The following FBXL20 variants were observed in gnomAD, a reference collection of about 807,000 sequenced individuals.
FBXL20 encodes F-box/LRR-repeat protein 20.
In FBXL20, 11 loss-of-function variants were observed where a neutral mutation model predicts 64.0. That is an observed-to-expected ratio of 0.17 (90% CI 0.11 to 0.28). The LOEUF (loss-of-function observed/expected upper bound fraction) is 0.28. FBXL20 is among the 10% of genes least tolerant of loss of function. The pLI, the probability that FBXL20 is intolerant of heterozygous loss-of-function variation, is 1.00. For synonymous variants in FBXL20, 184 were observed against 189.0 expected, an observed-to-expected ratio of 0.97 and a Z score of 0.22; for missense variants, 303 against 526.2, an observed-to-expected ratio of 0.58 and a Z score of 4.15.
At chr17:39,392,947 C>T (rs9892675) in intron 1 of FBXL20, among the ~76,000 whole-genome samples, 41,320 of 150,172 alleles carry the variant, frequency 0.28, 6,874 homozygotes, top group African/African-American at 0.46. Context: ...GAGCCGAGAT[C>T]GTGTCATCGC....
chr17:39,400,695 G>A (rs2048232781), intron 1 of FBXL20, among the ~76,000 whole-genome samples: 1 of 152,148 alleles, frequency 6.6e-6, no homozygotes, highest in Admixed American at 6.5e-5. Flanking sequence ...AGGAGAAAAA[G>A]TTCCTGAAAG....
intron 6 of FBXL20, among the ~76,000 whole-genome samples, chr17:39,294,226 C>T (rs1407785500): frequency 5.3e-5 from 8 of 151,986 alleles, no homozygotes; most frequent in Admixed American, 5.3e-4. Flanking sequence ...CCTCCTGCCT[C>T]AGTCTCCCAA....
At chr17:39,282,674 C>T (rs1471095629) in intron 8 of FBXL20, 55 bp downstream of exon 8, 2 of 1,612,456 alleles carry the variant, frequency 1.2e-6, no homozygotes, top group African/African-American at 1.3e-5. Flanking sequence ...CTATAAAGAG[C>T]TCATGATTCA....
intron 1 of FBXL20, among the ~76,000 whole-genome samples, chr17:39,368,440 A>G (rs1326431269): frequency 1.3e-5 from 2 of 152,112 alleles, no homozygotes; most frequent in Non-Finnish European, 2.9e-5. Context: ...ACATTTCACC[A>G]CTACCTGATT....
At chr17:39,286,063 T>C (rs903457537) in intron 6 of FBXL20, among the ~76,000 whole-genome samples, 1 of 152,218 alleles carries the variant, frequency 6.6e-6, no homozygotes, top group Non-Finnish European at 1.5e-5. Flanking sequence ...GGTCTGGTAT[T>C]GGGCTGAAAA....
chr17:39,400,908 T>A (rs1042194613), intron 1 of FBXL20, among the ~76,000 whole-genome samples: 5 of 152,128 alleles, frequency 3.3e-5, no homozygotes, highest in African/African-American at 9.7e-5. Flanking sequence ...ACTTCCCTAG[T>A]TTCACCAAGG....
At chr17:39,378,407 T>A (rs2047990436) in intron 1 of FBXL20, among the ~76,000 whole-genome samples, 1 of 152,010 alleles carries the variant, frequency 6.6e-6, no homozygotes, top group African/African-American at 2.4e-5. Flanking sequence ...AAGTTTGAGA[T>A]CAGTCTGAGC....
intron 1 of FBXL20, among the ~76,000 whole-genome samples, chr17:39,383,571 T>C (rs2048047160): frequency 6.6e-6 from 1 of 151,452 alleles, no homozygotes; most frequent in African/African-American, 2.4e-5. Context: ...CAGAGTCTCT[T>C]TTTGTGATAC....
At chr17:39,313,902 T>C (rs755680971) in intron 2 of FBXL20, among the ~76,000 whole-genome samples, 6 of 152,372 alleles carry the variant, frequency 3.9e-5, no homozygotes, top group East Asian at 3.9e-4. Flanking sequence ...CTCAAAGTGC[T>C]GGGATTACAG....
rs2046838615 is a variant in FBXL20 at position 39,270,979 on chromosome 17, T to C, written c.828-123A>G. On this transcript the variant is annotated intron_variant, in intron 10 of 14. Coordinates refer to ENST00000264658, the MANE Select transcript of FBXL20 (RefSeq NM_032875.3). ...TCTCTAAGGACTTTATAATATAGAATGACATTAACAACTAAGCAAGTCTGT... is the reference window on the plus strand; with the variant it reads ...TCTCTAAGGACTTTATAATATAGAACGACATTAACAACTAAGCAAGTCTGT... 9.2e-6 allele frequency: 7 copies of C among 763,338 alleles called. No individual in the cohort carries two copies. In the South Asian group the frequency reaches 1.1e-4, roughly 12 times the overall value. 47.3% of individuals were successfully genotyped at this position (763,338 alleles called of 1,614,324 possible).
chr17:39,350,489 GAAAACA>G (rs1251675748), intron 1 of FBXL20, among the ~76,000 whole-genome samples: 13 of 89,790 alleles, frequency 1.4e-4, no homozygotes, highest in Middle Eastern at 0.019. Flanking sequence ...ACTCCTTCTC[GAAAACA>G]AAAACAAAAA....
At chr17:39,350,868 G>A (rs1049524366) in intron 1 of FBXL20, among the ~76,000 whole-genome samples, 2 of 152,118 alleles carry the variant, frequency 1.3e-5, no homozygotes, top group Non-Finnish European at 2.9e-5. Flanking sequence ...GGGTAGGTGG[G>A]CAGGAGAGAA....
Position 39,401,447 on chromosome 17 carries a change from G to C in FBXL20, c.-45C>G. 6.4e-7 allele frequency: 1 copy of C among 1,561,532 alleles called. No homozygotes were observed. The highest frequency in any genetic ancestry group is 8.7e-7 in the Non-Finnish European group (1 of 1,154,840). On this transcript the variant is annotated 5_prime_UTR_variant, in exon 1 of 15. Transcript: ENST00000264658. ...CGGGCCGGGCGCTGCGGCGAGCGGA[G>C]TGCACAGACCGGGGGCCCAGGACAG...
chr17:39,346,728 A>G (rs898016860), intron 1 of FBXL20, among the ~76,000 whole-genome samples: 5 of 152,068 alleles, frequency 3.3e-5, no homozygotes, highest in East Asian at 1.9e-4. Context: ...GTTCTAGGGT[A>G]CATGTGCACA....
chr17:39,399,594 T>C (rs1343137652), intron 1 of FBXL20, among the ~76,000 whole-genome samples: 2 of 152,176 alleles, frequency 1.3e-5, no homozygotes, highest in East Asian at 3.9e-4. Flanking sequence ...TATTTAATCA[T>C]GAAACCGTCC....
chr17:39,333,841 C>T (rs1260637156), intron 2 of FBXL20, among the ~76,000 whole-genome samples: 1 of 152,042 alleles, frequency 6.6e-6, no homozygotes, highest in African/African-American at 2.4e-5. Context: ...GCCGCCACCC[C>T]GTCTGGGAGG....
intron 12 of FBXL20, among the ~76,000 whole-genome samples, chr17:39,268,225 T>C (rs1001810763): frequency 6.6e-6 from 1 of 152,108 alleles, no homozygotes; most frequent in Non-Finnish European, 1.5e-5. Context: ...TGGTGGCGCA[T>C]GCCTGTAATC....
intron 2 of FBXL20, among the ~76,000 whole-genome samples, chr17:39,320,077 C>G (rs895205186): frequency 6.6e-6 from 1 of 152,158 alleles, no homozygotes. Flanking sequence ...TCCCTACAAA[C>G]AACATACATA....
At chr17:39,312,234 G>A (rs1466557476) in intron 2 of FBXL20, among the ~76,000 whole-genome samples, 1 of 151,880 alleles carries the variant, frequency 6.6e-6, no homozygotes, top group Non-Finnish European at 1.5e-5. Context: ...GGCCAACACA[G>A]TAAAACCCCA....
Sources: allele counts gnomAD v4.1 joint callset (sites outside exome capture counted in the v4.1 genomes callset), GRCh38; gene constraint gnomAD v4.1.1; transcripts MANE v1.5; gene names NCBI Gene and HGNC (gene_info 2026-07-23, HGNC 2026-07-21).